SERINC5: variants seen among roughly 807,000 people sequenced by gnomAD.
The protein encoded by SERINC5 is serine incorporator 5.
In SERINC5, 41 loss-of-function variants were observed where a neutral mutation model predicts 63.1. The ratio of observed to expected loss-of-function variants is 0.65; its 90% confidence interval spans 0.51 to 0.84. The LOEUF is 0.84. Among genes scored for constraint, SERINC5 ranks in the 40% least tolerant of loss-of-function variants. The pLI, the probability that SERINC5 is intolerant of heterozygous loss-of-function variation, is 0.00. For missense variants in SERINC5, 523 were observed against 573.0 expected (o/e 0.91, Z 0.89); for synonymous variants, 222 against 215.2 (o/e 1.03, Z -0.28).
chr5:80,233,601 C>T (rs1427669895), intron 1 of SERINC5, among the ~76,000 whole-genome samples: 4 of 150,700 alleles, frequency 2.7e-5, no homozygotes, highest in Non-Finnish European at 5.9e-5. Context: ...AAAACTAGGA[C>T]TTTTTTTTTG....
chr5:80,243,129 C>CA (rs1752020240), intron 1 of SERINC5, among the ~76,000 whole-genome samples: 1 of 152,186 alleles, frequency 6.6e-6, no homozygotes, highest in Admixed American at 6.5e-5. Flanking sequence ...GGTCTTTAGG[C>CA]AACATTCATA....
chr5:80,210,622 G>GCA (rs144468638), intron 1 of SERINC5, among the ~76,000 whole-genome samples: 1 of 151,996 alleles, frequency 6.6e-6, no homozygotes, highest in Admixed American at 6.6e-5. Context: ...AAATCGGCAT[G>GCA]CACACACACA....
chr5:80,213,201 G>A (rs1165573207), intron 1 of SERINC5, among the ~76,000 whole-genome samples: 1 of 143,618 alleles, frequency 7.0e-6, no homozygotes, highest in Non-Finnish European at 1.5e-5. Context: ...AGCAGAGATC[G>A]CGCCACTGTA....
intron 11 of SERINC5, among the ~76,000 whole-genome samples, chr5:80,145,310 T>C (rs1396529956): frequency 6.6e-6 from 1 of 151,478 alleles, no homozygotes; most frequent in African/African-American, 2.4e-5. Flanking sequence ...GCCACTGCAC[T>C]CCAGCCTGGG....
intron 2 of SERINC5, among the ~76,000 whole-genome samples, chr5:80,180,189 T>C (rs1748325092): frequency 6.6e-6 from 1 of 152,190 alleles, no homozygotes; most frequent in Non-Finnish European, 1.5e-5. Context: ...AATTAAAATC[T>C]TACACAATGA....
At chr5:80,248,813 C>T (rs1752270580) in intron 1 of SERINC5, among the ~76,000 whole-genome samples, 1 of 152,142 alleles carries the variant, frequency 6.6e-6, no homozygotes, top group East Asian at 1.9e-4. Flanking sequence ...CAGACGTTAT[C>T]TGTGAAAGTA....
Position 80,158,958 on chromosome 5 carries a change from T to A in SERINC5, c.864A>T (p.Leu288=). ...ALSSKPAEVV[L]DEHGKNVTIC... ...TTGTAACATTTTTCCCATGTTCATCTAGAACTTGAAAAGAAAAAACAAAGT... is the reference window on the plus strand; with the variant it reads ...TTGTAACATTTTTCCCATGTTCATCAAGAACTTGAAAAGAAAAAACAAAGT... Residue 288 remains leucine (L), a synonymous_variant, in exon 8 of 12, where the codon CTA becomes CTT. Coordinates refer to ENST00000507668, the MANE Select transcript of SERINC5 (RefSeq NM_001174072.3). 2 of 1,613,586 alleles carry A rather than the reference T, an allele frequency of 1.2e-6. No individual in the cohort carries two copies. The highest frequency in any genetic ancestry group is 1.7e-6 in the Non-Finnish European group (2 of 1,179,782).
chr5:80,117,852 C>T (rs964456243), intron 11 of SERINC5, among the ~76,000 whole-genome samples: 42 of 151,996 alleles, frequency 2.8e-4, no homozygotes, highest in Admixed American at 2.6e-4. Flanking sequence ...CCAATTTCTA[C>T]CTAGTCTTCT....
intron 1 of SERINC5, among the ~76,000 whole-genome samples, chr5:80,210,741 G>C (rs1481416469): frequency 6.6e-6 from 1 of 152,188 alleles, no homozygotes. Context: ...GCAACCAAGA[G>C]GACAAACTGC....
Position 80,140,766 on chromosome 5 carries a change from T to G in SERINC5, c.*2897A>C. 1.0e-6 allele frequency: 1 copy of G among 984,958 alleles called. No individual in the cohort carries two copies. Among genetic ancestry groups the G allele is most frequent in the Non-Finnish European group, 1.2e-6 (1 of 829,824 alleles). 61.0% of individuals were successfully genotyped at this position (984,958 alleles called of 1,614,324 possible). A position where few individuals can be genotyped will look rare whatever the true frequency, so the allele number is the denominator to read the frequency against. On this transcript the variant is annotated 3_prime_UTR_variant, in exon 12 of 12. Coordinates refer to ENST00000507668, the MANE Select transcript of SERINC5 (RefSeq NM_001174072.3). ...CACTTAGTGTTTTTACTCATAAAAATGAGGGGAAAACTTTTCTACATCAGA... is the reference window on the plus strand; with the variant it reads ...CACTTAGTGTTTTTACTCATAAAAAGGAGGGGAAAACTTTTCTACATCAGA...
At chr5:80,137,290 T>C (rs1222709821), downstream of SERINC5, among the ~76,000 whole-genome samples, 1 of 152,018 alleles carries the variant, frequency 6.6e-6, no homozygotes, top group African/African-American at 2.4e-5. Context: ...ATGTTCACTG[T>C]AGCATTATTC....
At chr5:80,230,439 C>T (rs1445207040) in intron 1 of SERINC5, among the ~76,000 whole-genome samples, 1 of 26,154 alleles carries the variant, frequency 3.8e-5, no homozygotes, top group Non-Finnish European at 6.2e-5. Context: ...TAGAGCAAGA[C>T]TGTCACAAAA....
At chr5:80,151,511 TA>T (rs1172229845) in intron 8 of SERINC5, among the ~76,000 whole-genome samples, 1 of 152,106 alleles carries the variant, frequency 6.6e-6, no homozygotes, top group Middle Eastern at 3.2e-3. Context: ...TGGGGCAAAA[TA>T]ATTTATTTTT....
At chr5:80,177,160 G>A (rs1748087784) in intron 4 of SERINC5, among the ~76,000 whole-genome samples, 155 bp downstream of exon 4, 1 of 152,100 alleles carries the variant, frequency 6.6e-6, no homozygotes, top group Non-Finnish European at 1.5e-5. Flanking sequence ...GGCAATGATG[G>A]AAAAAGTATG....
intron 1 of SERINC5, among the ~76,000 whole-genome samples, chr5:80,246,895 C>T (rs979728052): frequency 1.3e-5 from 2 of 152,114 alleles, no homozygotes; most frequent in African/African-American, 2.4e-5. Flanking sequence ...ACTTGGGATG[C>T]CTAATATTTG....
chr5:80,116,971 G>A (rs887717433), intron 11 of SERINC5, among the ~76,000 whole-genome samples: 4 of 151,950 alleles, frequency 2.6e-5, no homozygotes, highest in Non-Finnish European at 2.9e-5. Context: ...TGGGATTACA[G>A]GCGAGTGCCA....
At chr5:80,199,049 T>A (rs1056420450) in intron 2 of SERINC5, among the ~76,000 whole-genome samples, 1 of 152,122 alleles carries the variant, frequency 6.6e-6, no homozygotes, top group Admixed American at 6.6e-5. Flanking sequence ...TGATATAGCC[T>A]CCTGCTCTAG....
intron 11 of SERINC5, among the ~76,000 whole-genome samples, chr5:80,120,260 G>T (rs1744490950): frequency 6.6e-6 from 1 of 152,150 alleles, no homozygotes; most frequent in South Asian, 2.1e-4. Flanking sequence ...CTCACCAAGG[G>T]GATATGGTTC....
At chr5:80,114,811 A>G (rs950965065) in intron 11 of SERINC5, among the ~76,000 whole-genome samples, 2 of 152,044 alleles carry the variant, frequency 1.3e-5, no homozygotes, top group Non-Finnish European at 2.9e-5. Context: ...GTGGGGACAC[A>G]GGGCCAAACC....
Sources: gnomAD v4.1 joint callset for allele counts (sites outside exome capture counted in the v4.1 genomes callset) on GRCh38, gnomAD v4.1.1 for gene constraint, MANE v1.5 for transcripts, NCBI Gene and HGNC (gene_info 2026-07-23, HGNC 2026-07-21) for gene names.